GALNTL6: variants seen among roughly 807,000 people sequenced by gnomAD.
GALNTL6 encodes polypeptide N-acetylgalactosaminyltransferase like 6, also known as polypeptide N-acetylgalactosaminyltransferase-like 6.
A neutral mutation model predicts 73.7 loss-of-function variants in GALNTL6; 46 were observed. The ratio of observed to expected loss-of-function variants is 0.62; its 90% CI spans 0.49 to 0.80. GALNTL6 has a LOEUF of 0.80. GALNTL6 is among the 30% of genes least tolerant of loss of function. The pLI, the probability that GALNTL6 is intolerant of heterozygous loss-of-function variation, is 0.00. For missense variants in GALNTL6, 604 were observed against 755.0 expected (o/e 0.80, Z 2.34); for synonymous variants, 259 against 263.7 (o/e 0.98, Z 0.17).
intron 2 of GALNTL6, among the ~76,000 whole-genome samples, chr4:172,165,144 T>C (rs904367107): frequency 6.6e-6 from 1 of 152,168 alleles, no homozygotes; most frequent in African/African-American, 2.4e-5. Context: ...TATCTCTTCA[T>C]TGATTGTGCC....
intron 5 of GALNTL6, among the ~76,000 whole-genome samples, chr4:172,433,386 C>T (rs1235395561): frequency 6.6e-6 from 1 of 152,102 alleles, no homozygotes; most frequent in African/African-American, 2.4e-5. Flanking sequence ...ACCTCATACA[C>T]TTATCATGCT....
chr4:172,545,103 A>G (rs1204471089), intron 5 of GALNTL6, among the ~76,000 whole-genome samples: 1 of 152,198 alleles, frequency 6.6e-6, no homozygotes, highest in Non-Finnish European at 1.5e-5. Context: ...GATAATTTTA[A>G]AAATTCTTGC....
intron 5 of GALNTL6, among the ~76,000 whole-genome samples, chr4:172,456,760 C>T (rs1732414148): frequency 6.6e-6 from 1 of 151,970 alleles, no homozygotes; most frequent in South Asian, 2.1e-4. Flanking sequence ...AGAATGGAAC[C>T]AAGTTGGAAA....
intron 8 of GALNTL6, among the ~76,000 whole-genome samples, chr4:172,917,701 A>G (rs1265823767): frequency 2.6e-5 from 4 of 152,232 alleles, no homozygotes; most frequent in Non-Finnish European, 4.4e-5. Flanking sequence ...ACAATGAGAT[A>G]CCATCTCACA....
intron 2 of GALNTL6, among the ~76,000 whole-genome samples, chr4:171,889,790 C>T (rs1049257448): frequency 5.3e-5 from 8 of 152,000 alleles, no homozygotes; most frequent in African/African-American, 7.2e-5. Flanking sequence ...AAGATGCTTT[C>T]GAATAAGTTA....
intron 3 of GALNTL6, among the ~76,000 whole-genome samples, chr4:172,251,849 AAC>A (rs1428848032): frequency 2.0e-5 from 3 of 152,110 alleles, no homozygotes; most frequent in African/African-American, 7.2e-5. Flanking sequence ...AGACACCCCT[AAC>A]AGAGACCCTA....
intron 2 of GALNTL6, among the ~76,000 whole-genome samples, chr4:172,111,165 C>A (rs1470336167): frequency 6.6e-6 from 1 of 151,880 alleles, no homozygotes; most frequent in East Asian, 1.9e-4. Context: ...TAGGAGAACT[C>A]TGGAATAAAA....
At chr4:171,928,780 G>A (rs192148090) in intron 2 of GALNTL6, among the ~76,000 whole-genome samples, 2 of 152,282 alleles carry the variant, frequency 1.3e-5, no homozygotes, top group East Asian at 1.9e-4. Context: ...CATGCTACAG[G>A]CTTGTAGGCT....
chr4:171,948,719 C>T (rs1270767709), intron 2 of GALNTL6, among the ~76,000 whole-genome samples: 1 of 152,124 alleles, frequency 6.6e-6, no homozygotes, highest in Non-Finnish European at 1.5e-5. Context: ...TTTCCTCTCT[C>T]TTTGAACATA....
rs199549127 is a variant in GALNTL6 at position 172,977,176 on chromosome 4, AT to A, written c.1371+24920del. ...AACACAGACGAAGAGGCTGTTTCACATTATCAGGGAGGCCAGTGGGTTTGTT... is the reference window on the plus strand; with the variant it reads ...AACACAGACGAAGAGGCTGTTTCACATATCAGGGAGGCCAGTGGGTTTGTT... On this transcript the variant is annotated intron_variant, in intron 10 of 12. Transcript: ENST00000506823. 5.4e-3 allele frequency among the ~76,000 whole-genome samples: 827 copies of A among 152,334 alleles called. 3 individuals are homozygous for A. The highest frequency in any genetic ancestry group is 9.6e-3 in the Non-Finnish European group (655 of 68,022).
At chr4:172,749,479 A>C (rs1737303628) in intron 5 of GALNTL6, among the ~76,000 whole-genome samples, 1 of 152,040 alleles carries the variant, frequency 6.6e-6, no homozygotes, top group African/African-American at 2.4e-5. Context: ...TAAATTACTA[A>C]GTTTTTATAT....
In GALNTL6 at chr4:172,951,953, T is replaced by C. The variant is rs1332201771; in HGVS notation, c.1150-84T>C. 5.9e-6 allele frequency: 7 copies of C among 1,180,362 alleles called. No homozygotes were observed. The Admixed American group carries it at 6.6e-5, about 11-fold the overall frequency. 73.1% of individuals were successfully genotyped at this position (1,180,362 alleles called of 1,614,324 possible). The stretch of plus-strand genomic sequence containing the variant: ...TGAGGTTGCCGCTATCTTTTCCTTT[T>C]CTTTTTTCAATTTCTGGTGCAACAA... On this transcript the variant is annotated intron_variant, in intron 9 of 12. Transcript: ENST00000506823.
At chr4:172,212,837 T>G (rs1375207806) in intron 2 of GALNTL6, among the ~76,000 whole-genome samples, 1 of 151,402 alleles carries the variant, frequency 6.6e-6, no homozygotes, top group Non-Finnish European at 1.5e-5. Context: ...CCGGCTAATT[T>G]TTTTTGTATT....
At chr4:172,819,105 G>A (rs1215160214) in intron 7 of GALNTL6, among the ~76,000 whole-genome samples, 1 of 152,214 alleles carries the variant, frequency 6.6e-6, no homozygotes, top group Admixed American at 6.5e-5. Flanking sequence ...AGATCCTTAT[G>A]AGCTGGTTCT....
chr4:172,447,919 C>T (rs1412967285), intron 5 of GALNTL6, among the ~76,000 whole-genome samples: 1 of 152,014 alleles, frequency 6.6e-6, no homozygotes, highest in Admixed American at 6.6e-5. Flanking sequence ...AGTTCAATTG[C>T]AAGTAAGTTA....
At chr4:172,258,290 A>G (rs189888952) in intron 3 of GALNTL6, among the ~76,000 whole-genome samples, 15 of 151,272 alleles carry the variant, frequency 9.9e-5, no homozygotes, top group South Asian at 6.2e-4. Context: ...CTTCACTCCT[A>G]TGATTTTTCA....
At chr4:172,698,147 G>C (rs754872798) in intron 5 of GALNTL6, among the ~76,000 whole-genome samples, 3 of 151,944 alleles carry the variant, frequency 2.0e-5, no homozygotes, top group Non-Finnish European at 4.4e-5. Flanking sequence ...CTCTATACTT[G>C]AGAAACTCCT....
chr4:172,571,875 C>CAAAA (rs1736775735), intron 5 of GALNTL6, among the ~76,000 whole-genome samples: 3 of 152,166 alleles, frequency 2.0e-5, no homozygotes, highest in African/African-American at 7.2e-5. Flanking sequence ...TTTTCTCACT[C>CAAAA]AAATGGTTGC....
At chr4:172,241,511 A>T (rs1737434520) in intron 3 of GALNTL6, among the ~76,000 whole-genome samples, 1 of 152,190 alleles carries the variant, frequency 6.6e-6, no homozygotes, top group Non-Finnish European at 1.5e-5. Context: ...ACATTTGTTA[A>T]TGTTCAAAGA....
Sources: allele counts gnomAD v4.1 joint callset (sites outside exome capture counted in the v4.1 genomes callset), GRCh38; gene constraint gnomAD v4.1.1; transcripts MANE v1.5; gene names NCBI Gene and HGNC (gene_info 2026-07-23, HGNC 2026-07-21).